Variants in CELF4 observed in about 807,000 individuals in gnomAD.
CELF4 encodes CUGBP Elav-like family member 4.
Under a neutral mutation model 59.9 loss-of-function variants are expected in CELF4, and 18 were observed. The ratio of observed to expected loss-of-function variants is 0.30; its 90% CI spans 0.21 to 0.45. The LOEUF (loss-of-function observed/expected upper bound fraction) is 0.45, where lower values mean the gene tolerates loss of function less well. Among genes scored for constraint, CELF4 ranks in the 20% least tolerant of loss-of-function variants. CELF4 has a pLI of 1.00. For synonymous variants in CELF4, 261 were observed against 267.1 expected, an observed-to-expected ratio of 0.98 and a Z score of 0.22; for missense variants, 456 against 689.0, an observed-to-expected ratio of 0.66 and a Z score of 3.79.
chr18:37,261,333 G>A (rs558864784), intron 10 of CELF4, among the ~76,000 whole-genome samples: 1 of 152,066 alleles, frequency 6.6e-6, no homozygotes, highest in South Asian at 2.1e-4. Context: ...TGGGGCCCTG[G>A]CTCTGAGTTC....
At chr18:37,359,746 A>G (rs1338857997) in intron 2 of CELF4, among the ~76,000 whole-genome samples, 7 of 151,976 alleles carry the variant, frequency 4.6e-5, no homozygotes, top group Non-Finnish European at 8.8e-5. Context: ...AAAGGGTTTC[A>G]CCCTGTTAGC....
At chr18:37,395,117 TC>T (rs1603635235) in intron 2 of CELF4, among the ~76,000 whole-genome samples, 1 of 151,972 alleles carries the variant, frequency 6.6e-6, no homozygotes, top group East Asian at 1.9e-4. Context: ...TGTCTACATA[TC>T]CCCTCACCAT....
At chr18:37,452,770 C>A (rs1019209396) in intron 2 of CELF4, among the ~76,000 whole-genome samples, 1 of 152,170 alleles carries the variant, frequency 6.6e-6, no homozygotes, top group African/African-American at 2.4e-5. Context: ...ATTCATCACT[C>A]TGACTTCTCC....
chr18:37,328,234 A>G (rs1009898604), intron 2 of CELF4, among the ~76,000 whole-genome samples: 1 of 152,216 alleles, frequency 6.6e-6, no homozygotes, highest in Non-Finnish European at 1.5e-5. Context: ...TGGCAGAAGC[A>G]GGGGGATTCG....
chr18:37,264,649 C>T, intron 10 of CELF4, 25 bp downstream of exon 10: 1 of 1,552,522 alleles, frequency 6.4e-7, no homozygotes, highest in Non-Finnish European at 8.7e-7. Context: ...GAGGGAGGGG[C>T]CCAGGAGCTG....
chr18:37,423,081 C>CACACACAT (rs767447762), intron 2 of CELF4, among the ~76,000 whole-genome samples: 1 of 137,846 alleles, frequency 7.3e-6, no homozygotes, highest in Admixed American at 7.3e-5. Context: ...CACACACACA[C>CACACACAT]AGAGACAGAG....
intron 2 of CELF4, among the ~76,000 whole-genome samples, chr18:37,336,835 G>A (rs987244882): frequency 2.0e-5 from 3 of 152,236 alleles, no homozygotes; most frequent in African/African-American, 2.4e-5. Context: ...AGCTCCTGAG[G>A]TCTCGTCAAG....
At chr18:37,271,018 C>T (rs2090962031) in intron 7 of CELF4, 101 bp from the exon 8 acceptor site, 2 of 1,044,508 alleles carry the variant, frequency 1.9e-6, no homozygotes, top group South Asian at 3.3e-5. Flanking sequence ...TTTCCAAGGA[C>T]CTGCGGATAG....
At chr18:37,499,180 G>A (rs2099928662) in intron 1 of CELF4, among the ~76,000 whole-genome samples, 1 of 152,280 alleles carries the variant, frequency 6.6e-6, no homozygotes, top group South Asian at 2.1e-4. Context: ...AACGACAGAT[G>A]GTTTGCTTAG....
At chr18:37,395,849 T>A (rs1405343302) in intron 2 of CELF4, among the ~76,000 whole-genome samples, 1 of 152,128 alleles carries the variant, frequency 6.6e-6, no homozygotes, top group African/African-American at 2.4e-5. Flanking sequence ...CAGCTCCCCA[T>A]GGTGTGAACT....
intron 2 of CELF4, among the ~76,000 whole-genome samples, chr18:37,481,668 C>T (rs545903912): frequency 4.6e-5 from 7 of 152,182 alleles, no homozygotes; most frequent in Admixed American, 2.0e-4. Context: ...GTGTGTGCCT[C>T]GACTCTGGGC....
Position 37,565,519 on chromosome 18 carries a change from C to A in CELF4, c.123G>T (p.Gly41=). ...GHMNGLSHSP[G]NPSTIPMKDH... ...CCTTCATGGGAATGGTCGACGGGTT[C>A]CCCGGGCTGTGGCTTAATCCGTTCA... The change falls in exon 1 of 13, where the codon GGG becomes GGT. Residue 41 remains glycine (G), a synonymous_variant. Coordinates refer to ENST00000420428, the MANE Select transcript of CELF4 (RefSeq NM_020180.4). 1 of 1,614,180 alleles carries A rather than the reference C, an allele frequency of 6.2e-7. No homozygotes were observed.
intron 2 of CELF4, among the ~76,000 whole-genome samples, chr18:37,327,678 G>A (rs480345): frequency 0.44 from 67,285 of 151,970 alleles, 14,987 homozygotes; most frequent in South Asian, 0.61. Context: ...GGAGGCAAGG[G>A]GGGGTCCACT....
chr18:37,565,736 C>T lies in CELF4; in HGVS notation c.-95G>A, dbSNP rs200902019. The T allele has an allele frequency of 1.9e-6, 2 of 1,030,520 alleles. No homozygotes were observed. The highest frequency in any genetic ancestry group is 2.8e-5 in the East Asian group (1 of 36,128). 63.8% of individuals were successfully genotyped at this position (1,030,520 alleles called of 1,614,324 possible). A position where few individuals can be genotyped will look rare whatever the true frequency, so the allele number is the denominator to read the frequency against. On this transcript the variant is annotated 5_prime_UTR_variant, in exon 1 of 13. It adds an upstream start codon to the 5' untranslated region. Transcript: ENST00000420428. ...GCTCACACACGCACACGCATACACA[C>T]ACTCGGGTTCTCTCCCCCTCGGTTT...
At chr18:37,494,645 A>G (rs1243956647) in intron 1 of CELF4, among the ~76,000 whole-genome samples, 1 of 152,154 alleles carries the variant, frequency 6.6e-6, no homozygotes, top group Non-Finnish European at 1.5e-5. Flanking sequence ...TATCGTCGGC[A>G]TCTGACAGCT....
chr18:37,380,713 C>G (rs1357385500), intron 2 of CELF4, among the ~76,000 whole-genome samples: 1 of 149,486 alleles, frequency 6.7e-6, no homozygotes, highest in Non-Finnish European at 1.5e-5. Flanking sequence ...GTCTTCTATC[C>G]ATTCCTCTAT....
At chr18:37,373,446 T>G (rs1331569186) in intron 2 of CELF4, among the ~76,000 whole-genome samples, 1 of 152,206 alleles carries the variant, frequency 6.6e-6, no homozygotes, top group Non-Finnish European at 1.5e-5. Context: ...CTGGGCATGG[T>G]CAGGACAGAG....
intron 1 of CELF4, among the ~76,000 whole-genome samples, chr18:37,542,337 G>C (rs1350895166): frequency 6.6e-6 from 1 of 152,236 alleles, no homozygotes; most frequent in Non-Finnish European, 1.5e-5. Context: ...TGCTCGCTGT[G>C]CACCCACTGA....
At position 37,271,053 on chromosome 18, in the gene CELF4, A is replaced by G. The variant is rs1201715800; in HGVS notation, c.950-136T>C. 127 of 686,278 alleles carry G rather than the reference A, an allele frequency of 1.9e-4. 1 individual carries two copies. The highest frequency in any genetic ancestry group is 6.4e-5 in the Non-Finnish European group (27 of 420,944). 42.5% of individuals were successfully genotyped at this position (686,278 alleles called of 1,614,324 possible). On this transcript the variant is annotated intron_variant, in intron 7 of 12. Transcript: ENST00000420428. Reference sequence around the variant, plus strand: ...GACTTGGACCTCACATACCAGTTCAATCTTATCTATGACCCATGCCTTGGC... The same window carrying G: ...GACTTGGACCTCACATACCAGTTCAGTCTTATCTATGACCCATGCCTTGGC...
Sources: gnomAD v4.1 joint callset for allele counts (sites outside exome capture counted in the v4.1 genomes callset) on GRCh38, gnomAD v4.1.1 for gene constraint, MANE v1.5 for transcripts, NCBI Gene and HGNC (gene_info 2026-07-23, HGNC 2026-07-21) for gene names.